The following PDE11A variants were observed in gnomAD, a reference collection of about 807,000 sequenced individuals.
PDE11A encodes the protein phosphodiesterase 11A.
A neutral mutation model predicts 100.5 loss-of-function variants in PDE11A; 100 were observed. The observed-to-expected ratio is 1.00, with a 90% CI of 0.85 to 1.18. The LOEUF is 1.18. PDE11A is among the 50% of genes most tolerant of loss of function. The pLI is 0.00. For missense variants in PDE11A, 1,141 were observed against 1,152.6 expected (o/e 0.99, Z 0.15); for synonymous variants, 381 against 420.8 (o/e 0.91, Z 1.16).
intron 2 of PDE11A, among the ~76,000 whole-genome samples, chr2:178,082,883 G>C (rs1183973270): frequency 6.6e-6 from 1 of 152,142 alleles, no homozygotes; most frequent in East Asian, 1.9e-4. Flanking sequence ...TCTTAGGAGA[G>C]AGTTAGCCAG....
At chr2:177,765,081 C>T (rs530375395) in intron 10 of PDE11A, among the ~76,000 whole-genome samples, 42 of 152,316 alleles carry the variant, frequency 2.8e-4, no homozygotes, top group African/African-American at 8.7e-4. Flanking sequence ...GGTTTTCACA[C>T]TCTAATCCCA....
intron 2 of PDE11A, chr2:178,104,287 A>G (rs377627591): frequency 2.9e-5 from 46 of 1,610,628 alleles, no homozygotes; most frequent in Non-Finnish European, 3.7e-5. Flanking sequence ...CTCTCCCACA[A>G]CTGCTAGTTT....
At position 177,629,394 on chromosome 2, in the gene PDE11A, C is replaced by T; in HGVS notation, c.*13G>A. On this transcript the variant is annotated 3_prime_UTR_variant, in exon 20 of 20. Transcript: ENST00000286063. Reference sequence around the variant, plus strand: ...GGCTGTAGTCATTTTGCAGCTGCAGCTGACCTGGAGGTTTAGTTCCTGTCT... The same window carrying T: ...GGCTGTAGTCATTTTGCAGCTGCAGTTGACCTGGAGGTTTAGTTCCTGTCT... 1.9e-6 allele frequency: 3 copies of T among 1,612,632 alleles called. No individual in the cohort carries two copies. Among genetic ancestry groups the T allele is most frequent in the Non-Finnish European group, 2.5e-6 (3 of 1,179,358 alleles).
intron 12 of PDE11A, among the ~76,000 whole-genome samples, chr2:177,714,775 T>C (rs918029585): frequency 2.6e-4 from 39 of 152,216 alleles, no homozygotes; most frequent in Admixed American, 9.2e-4. Context: ...AACATCTAAG[T>C]CTTCTCACAC....
chr2:177,984,799 C>G (rs1428330382), intron 2 of PDE11A, among the ~76,000 whole-genome samples: 1 of 152,216 alleles, frequency 6.6e-6, no homozygotes, highest in Admixed American at 6.5e-5. Context: ...CTACTACACA[C>G]TACTAAGTAG....
chr2:178,056,459 C>A (rs576303114), intron 1 of PDE11A, among the ~76,000 whole-genome samples: 2 of 152,216 alleles, frequency 1.3e-5, no homozygotes, highest in African/African-American at 4.8e-5. Context: ...CTAATAAAAG[C>A]CTGGATATTG....
At position 177,728,151 on chromosome 2, in the gene PDE11A, A is replaced by T; in HGVS notation, c.1810T>A (p.Ser604Thr). 1 of 1,613,408 alleles carries T rather than the reference A, an allele frequency of 6.2e-7. No individual in the cohort carries two copies. Among genetic ancestry groups the T allele is most frequent in the Non-Finnish European group, 8.5e-7 (1 of 1,179,556 alleles). Residue 604 changes from serine to threonine, a missense_variant, in exon 11 of 20, where the codon TCA becomes ACA. By Grantham distance (58) the Ser-to-Thr change is moderately conservative. Transcript: ENST00000286063. The stretch of plus-strand genomic sequence containing the variant: ...TGAATGTCATCGATGGCAAGTTCTG[A>T]CACCAGAGGGATGTTGGCTGCCTAG... ...KFKAANIPLV[S>T]ELAIDDIHFD...
At chr2:178,025,046 A>G (rs2086462137) in intron 1 of PDE11A, among the ~76,000 whole-genome samples, 1 of 152,220 alleles carries the variant, frequency 6.6e-6, no homozygotes, top group Non-Finnish European at 1.5e-5. Flanking sequence ...TAGGCCTCCT[A>G]ATTTGATATT....
intron 5 of PDE11A, among the ~76,000 whole-genome samples, chr2:177,858,772 T>G (rs1195431180): frequency 6.6e-6 from 1 of 152,106 alleles, no homozygotes; most frequent in African/African-American, 2.4e-5. Context: ...TTATAAAACA[T>G]GCTGCTATAA....
intron 2 of PDE11A, among the ~76,000 whole-genome samples, chr2:177,935,509 T>C (rs555573813): frequency 2.6e-5 from 4 of 152,350 alleles, no homozygotes; most frequent in Admixed American, 2.6e-4. Context: ...TAGTGCAAAG[T>C]TGTATTTGTT....
intron 1 of PDE11A, among the ~76,000 whole-genome samples, chr2:178,063,103 G>A (rs1364159237): frequency 6.6e-6 from 1 of 151,900 alleles, no homozygotes; most frequent in Non-Finnish European, 1.5e-5. Context: ...TTTCATATGG[G>A]GATTTATTTC....
chr2:177,762,695 A>T (rs1200638009), intron 10 of PDE11A, among the ~76,000 whole-genome samples: 1 of 152,188 alleles, frequency 6.6e-6, no homozygotes, highest in Non-Finnish European at 1.5e-5. Context: ...AGAAGGTGGG[A>T]GAAAATCCTC....
In PDE11A at chr2:177,809,632, G is replaced by A. The variant is rs568470819; in HGVS notation, c.1737+7197C>T. 8.5e-5 allele frequency among the ~76,000 whole-genome samples: 13 copies of A among 152,278 alleles called. No individual in the cohort carries two copies. The South Asian group carries it at 2.7e-3, about 32-fold the overall frequency. ...CCCTGTACCTGAATTGGGAGATAAG[G>A]TGAAGTGAGGAAGAGTAAAGAAGCT... On this transcript the variant is annotated intron_variant, in intron 9 of 19. Transcript: ENST00000286063.
intron 2 of PDE11A, among the ~76,000 whole-genome samples, chr2:178,006,558 A>AG (rs200164014): frequency 2.6e-5 from 4 of 152,180 alleles, no homozygotes; most frequent in Non-Finnish European, 5.9e-5. Context: ...TAGAAAAAAA[A>AG]TCCCTGAAGT....
intron 10 of PDE11A, among the ~76,000 whole-genome samples, chr2:177,739,895 A>T (rs2081847977): frequency 6.6e-6 from 1 of 152,210 alleles, no homozygotes; most frequent in Non-Finnish European, 1.5e-5. Flanking sequence ...GTGAGGAAGT[A>T]ATCTATCAAA....
At position 177,999,486 on chromosome 2, in the gene PDE11A, CT is replaced by C. The variant is rs34465914; in HGVS notation, c.1071+14815del. On this transcript the variant is annotated intron_variant, in intron 2 of 19. Transcript: ENST00000286063. ...AAAGCTTCGAAAAATTAATCAGACA[CT>C]TTTTTTAAGAGAAAGAAGACAGATA... is the stretch of plus-strand genomic sequence containing the variant. Among the ~76,000 whole-genome samples, 118 of 152,228 alleles carry C rather than the reference CT, an allele frequency of 7.8e-4. 1 individual carries two copies. Among genetic ancestry groups the C allele is most frequent in the African/African-American group, 2.7e-3 (111 of 41,540 alleles).
chr2:178,093,664 C>G (rs936532013), intron 2 of PDE11A, among the ~76,000 whole-genome samples: 1 of 152,142 alleles, frequency 6.6e-6, no homozygotes, highest in Non-Finnish European at 1.5e-5. Flanking sequence ...AGTGAAATGA[C>G]ACCTTTCACT....
intron 15 of PDE11A, among the ~76,000 whole-genome samples, chr2:177,690,868 G>GA (rs1288210697): frequency 1.3e-5 from 2 of 152,218 alleles, no homozygotes; most frequent in African/African-American, 2.4e-5. Context: ...ACTGATCACA[G>GA]ACAACTTAGT....
chr2:177,919,845 A>T (rs189533671), intron 2 of PDE11A, among the ~76,000 whole-genome samples: 1 of 152,310 alleles, frequency 6.6e-6, no homozygotes, highest in East Asian at 1.9e-4. Flanking sequence ...AGTCAATATT[A>T]AATGAAACGA....
Sources: gnomAD v4.1 joint callset for allele counts (sites outside exome capture counted in the v4.1 genomes callset) on GRCh38, gnomAD v4.1.1 for gene constraint, MANE v1.5 for transcripts, NCBI Gene and HGNC (gene_info 2026-07-23, HGNC 2026-07-21) for gene names.